Variants in ABCA6 observed in about 807,000 individuals in gnomAD.
ABCA6 encodes ATP binding cassette subfamily A member 6, also known as ATP-binding cassette sub-family A member 6.
Under a neutral mutation model 191.2 loss-of-function variants are expected in ABCA6, and 164 were observed. The observed-to-expected ratio is 0.86, with a 90% confidence interval of 0.76 to 0.98. ABCA6 has a LOEUF of 0.98. ABCA6 is among the 50% of genes least tolerant of loss of function. The pLI is 0.00. For synonymous variants in ABCA6, 636 were observed against 647.7 expected, an observed-to-expected ratio of 0.98 and a Z score of 0.27; for missense variants, 1,958 against 1,894.1, an observed-to-expected ratio of 1.03 and a Z score of -0.63.
At chr17:69,136,394 C>G in intron 3 of ABCA6, 144 bp from the exon 4 acceptor site, 1 of 642,014 alleles carries the variant, frequency 1.6e-6, no homozygotes, top group Non-Finnish European at 2.4e-6. Context: ...AACCCAAATG[C>G]AAGGGGGGAA....
intron 23 of ABCA6, among the ~76,000 whole-genome samples, chr17:69,097,429 G>A (rs114777429): frequency 0.01 from 1,550 of 151,950 alleles, 28 homozygotes; most frequent in African/African-American, 0.036. Flanking sequence ...GTGACCTGGA[G>A]GACATAATAC....
chr17:69,137,503 G>T lies in ABCA6; in HGVS notation c.97-3C>A, dbSNP rs945771180. On this transcript the variant is annotated splice_polypyrimidine_tract_variant and splice_region_variant and intron_variant, in intron 2 of 38. Transcript: ENST00000284425. ...AGAAGTATTGAGAGGCCCCATTCCTGTAATGCATATAAAAAGAAAAATAAT... is the reference window on the plus strand; with the variant it reads ...AGAAGTATTGAGAGGCCCCATTCCTTTAATGCATATAAAAAGAAAAATAAT... The T allele has an allele frequency of 2.5e-6, 4 of 1,604,450 alleles. No individual in the cohort carries two copies. The highest frequency in any genetic ancestry group is 3.4e-6 in the Non-Finnish European group (4 of 1,176,368).
At chr17:69,135,817 C>A in intron 4 of ABCA6, 2 of 446,728 alleles carry the variant, frequency 4.5e-6, no homozygotes, top group Non-Finnish European at 7.9e-6. Context: ...AACCTGGAAT[C>A]TCACCTGAGG....
intron 17 of ABCA6, 70 bp downstream of exon 17, chr17:69,110,731 A>G (rs1487390209): frequency 6.7e-7 from 1 of 1,484,626 alleles, no homozygotes; most frequent in African/African-American, 1.4e-5. Context: ...TTGGACAAAG[A>G]AAATTATTTT....
In ABCA6 at chr17:69,102,853, TATG is replaced by T; in HGVS notation, c.2853_2855del (p.Ile952del). The T allele has an allele frequency of 6.3e-7, 1 of 1,584,960 alleles. No homozygotes were observed. The highest frequency in any genetic ancestry group is 8.5e-7 in the Non-Finnish European group (1 of 1,171,820). On this transcript the variant is annotated inframe_deletion, in exon 21 of 39. Transcript: ENST00000284425. The stretch of plus-strand genomic sequence containing the variant: ...AACATACCTTTTGTTTACCAGAAAC[TATG>T]ATAGCTCCATTGTATGAGAGGCCAT...
chr17:69,085,856 G>A lies in ABCA6; in HGVS notation c.3938-140C>T, dbSNP rs78821320. ...GATTGATAACATATATGTAATCCACGTCACCAAAGCATGTTCTTTATTTTC... is the reference window on the plus strand; with the variant it reads ...GATTGATAACATATATGTAATCCACATCACCAAAGCATGTTCTTTATTTTC... On this transcript the variant is annotated intron_variant, in intron 30 of 38. Transcript: ENST00000284425. 6.5e-5 allele frequency: 39 copies of A among 604,338 alleles called. 1 individual carries two copies. The highest frequency in any genetic ancestry group is 5.6e-4 in the African/African-American group (29 of 51,660). 37.4% of individuals were successfully genotyped at this position (604,338 alleles called of 1,614,324 possible).
Position 69,078,865 on chromosome 17 carries a change from T to C in ABCA6, c.*108A>G. On this transcript the variant is annotated 3_prime_UTR_variant, in exon 39 of 39. Transcript: ENST00000284425. ...GTATTTGTTAACTAAATTTACAAAA[T>C]ATACCTGATGTTAATTTTAAATGAT... is the stretch of plus-strand genomic sequence containing the variant. 1.5e-6 allele frequency: 1 copy of C among 645,912 alleles called. No homozygotes were observed. Among genetic ancestry groups the C allele is most frequent in the African/African-American group, 1.9e-5 (1 of 52,982 alleles). 40.0% of individuals were successfully genotyped at this position (645,912 alleles called of 1,614,324 possible).
chr17:69,105,589 A>G lies in ABCA6; in HGVS notation c.2613T>C (p.Val871=), dbSNP rs1466598466. ...VFGIAIFPLI[V]ENIMYAMLNE... Reference sequence around the variant, plus strand: ...TTAACATAGCATACATTATATTTTCAACAATCAAAGGGAATATTGCGATTC... The same window carrying G: ...TTAACATAGCATACATTATATTTTCGACAATCAAAGGGAATATTGCGATTC... The change falls in exon 20 of 39, where the codon GTT becomes GTC. Residue 871 remains valine, a synonymous_variant. Transcript: ENST00000284425. 3.2e-6 allele frequency: 5 copies of G among 1,547,700 alleles called. No homozygotes were observed. In the African/African-American group the frequency reaches 4.1e-5, roughly 13 times the overall value.
Position 69,096,306 on chromosome 17 carries a change from A to G in ABCA6, c.3342T>C (p.Tyr1114=), listed in dbSNP as rs753338771. The G allele has an allele frequency of 2.6e-6, 4 of 1,528,882 alleles. No homozygotes were observed. Among genetic ancestry groups the G allele is most frequent in the Admixed American group, 4.3e-5 (2 of 46,258 alleles). The allele number at this position is 1,528,882 out of a possible 1,614,324, so 94.7% of individuals were successfully genotyped here. A position where few individuals can be genotyped will look rare whatever the true frequency, so the allele number is the denominator to read the frequency against. Residue 1114 remains tyrosine (Y), a synonymous_variant, in exon 25 of 39, where the codon TAT becomes TAC. Transcript: ENST00000284425. Reference sequence around the variant, plus strand: ...TTTTGCGAAAAATAAATGATATCATATATATGAAGAAGACAAGAGAAGCTG... The same window carrying G: ...TTTTGCGAAAAATAAATGATATCATGTATATGAAGAAGACAAGAGAAGCTG... ...GYAASLVFFI[Y]MISFIFRKRR...
At chr17:69,136,070 G>C (rs768772577) in intron 4 of ABCA6, 22 bp downstream of exon 4, 2 of 1,600,136 alleles carry the variant, frequency 1.2e-6, no homozygotes, top group Non-Finnish European at 1.7e-6. Flanking sequence ...ATTCCATAAT[G>C]ATATTTGATA....
intron 4 of ABCA6, 199 bp downstream of exon 4, chr17:69,135,893 A>C: frequency 3.4e-6 from 2 of 593,898 alleles, no homozygotes; most frequent in Admixed American, 3.1e-5. Flanking sequence ...CTCAACACAT[A>C]TATGTTGGAT....
Position 69,119,534 on chromosome 17 carries a change from C to T in ABCA6, c.1437-1578G>A, listed in dbSNP as rs537987926. Among the ~76,000 whole-genome samples, 8 of 152,090 alleles carry T rather than the reference C, an allele frequency of 5.3e-5. No individual in the cohort carries two copies. The East Asian group carries it at 5.8e-4, about 11-fold the overall frequency. ...ATTTTAAAATCCATTTTATTTACTC[C>T]TCAACGTTCCTCATCAGCCTCAGAG... On this transcript the variant is annotated intron_variant, in intron 10 of 38. Transcript: ENST00000284425.
rs2073469882 is a variant in ABCA6 at position 69,113,377 on chromosome 17, T to A, written c.1903-17A>T. On this transcript the variant is annotated splice_polypyrimidine_tract_variant and intron_variant, in intron 14 of 38. Coordinates refer to ENST00000284425, the MANE Select transcript of ABCA6 (RefSeq NM_080284.3). ...AAGCAAAATCTACAGAGAATGAAGA[T>A]ATATAAAATATGTCTCTCTTTCACA... is the stretch of plus-strand genomic sequence containing the variant. 1 of 1,580,462 alleles carries A rather than the reference T, an allele frequency of 6.3e-7. No homozygotes were observed.
chr17:69,102,933 G>A lies in ABCA6; in HGVS notation c.2776C>T (p.His926Tyr). 1 of 1,558,566 alleles carries A rather than the reference G, an allele frequency of 6.4e-7. No individual in the cohort carries two copies. The highest frequency in any genetic ancestry group is 8.8e-7 in the Non-Finnish European group (1 of 1,140,064). Reference sequence around the variant, plus strand: ...TCTACTTCCAAAAGTATATTTTGATGCTTCAGTGATTTTATAAAATCTTCA... The same window carrying A: ...TCTACTTCCAAAAGTATATTTTGATACTTCAGTGATTTTATAAAATCTTCA... ...NIEDFIKSLK[H>Y]QNILLEVDDF... is the part of the protein sequence containing the mutation. Residue 926 changes from histidine to tyrosine, a missense_variant, in exon 21 of 39, where the codon CAT (histidine) becomes TAT (tyrosine). His to Tyr is a moderately conservative substitution (Grantham distance 83, BLOSUM62 2). Coordinates refer to ENST00000284425, the MANE Select transcript of ABCA6 (RefSeq NM_080284.3).
chr17:69,121,486 T>G (rs1307977967), intron 10 of ABCA6, among the ~76,000 whole-genome samples: 1 of 152,014 alleles, frequency 6.6e-6, no homozygotes, highest in East Asian at 1.9e-4. Context: ...TTTCTTTCCC[T>G]GGTTTGTCAG....
chr17:69,082,405 C>T (rs912257000), intron 36 of ABCA6, among the ~76,000 whole-genome samples: 1 of 151,812 alleles, frequency 6.6e-6, no homozygotes, highest in African/African-American at 2.4e-5. Flanking sequence ...ATACCCCTTT[C>T]CACTCTCTAT....
intron 19 of ABCA6, 148 bp downstream of exon 19, chr17:69,105,880 T>G (rs962872354): frequency 1.3e-5 from 11 of 866,244 alleles, no homozygotes; most frequent in Non-Finnish European, 1.9e-5. Flanking sequence ...AACATACAGG[T>G]ATTCCCACTG....
At position 69,122,836 on chromosome 17, in the gene ABCA6, C is replaced by T. The variant is rs75162474; in HGVS notation, c.1436+403G>A. Among the ~76,000 whole-genome samples the T allele has an allele frequency of 9.2e-3, 1,405 of 152,026 alleles. 13 individuals carry two copies. Among genetic ancestry groups the T allele is most frequent in the African/African-American group, 0.031 (1,292 of 41,480 alleles). On this transcript the variant is annotated intron_variant, in intron 10 of 38. Coordinates refer to ENST00000284425, the MANE Select transcript of ABCA6 (RefSeq NM_080284.3). ...GAAATTGGTGGTGATGGAAATGGAG[C>T]AGTTCAAAGTGACATTGACAAAAAC...
chr17:69,098,191 A>G (rs1321338735), intron 22 of ABCA6, 164 bp from the exon 23 acceptor site: 5 of 467,604 alleles, frequency 1.1e-5, no homozygotes, highest in Non-Finnish European at 1.8e-5. Flanking sequence ...CTGATCTTCA[A>G]CTCAAAGAAC....
Sources: allele counts gnomAD v4.1 joint callset (sites outside exome capture counted in the v4.1 genomes callset), GRCh38; gene constraint gnomAD v4.1.1; transcripts MANE v1.5; gene names NCBI Gene and HGNC (gene_info 2026-07-23, HGNC 2026-07-21).